Variants in TULP4 observed in about 807,000 individuals in gnomAD.
TULP4 encodes the protein TUB like protein 4.
TULP4 carries 16 observed loss-of-function variants against 129.0 expected under a neutral mutation model. The observed-to-expected ratio is 0.12, with a 90% confidence interval of 0.08 to 0.19. The LOEUF is 0.19. TULP4 is among the 10% of genes least tolerant of loss of function. The probability of loss-of-function intolerance (pLI) is 1.00; values close to 1 mark genes in which losing one functional copy is unlikely to be tolerated. For missense variants in TULP4, 1,842 were observed against 2,059.1 expected, an observed-to-expected ratio of 0.89 and a Z score of 2.04; for synonymous variants, 998 against 854.0, an observed-to-expected ratio of 1.17 and a Z score of -2.94.
At chr6:158,367,986 C>T (rs1470526725) in intron 1 of TULP4, among the ~76,000 whole-genome samples, 3 of 138,130 alleles carry the variant, frequency 2.2e-5, no homozygotes, top group Non-Finnish European at 4.6e-5. Flanking sequence ...CCCAGCTACT[C>T]GGGAGGCGAG....
At chr6:158,261,945 G>A (rs1778359727) in intron 1 of TULP4, among the ~76,000 whole-genome samples, 1 of 152,172 alleles carries the variant, frequency 6.6e-6, no homozygotes, top group Non-Finnish European at 1.5e-5. Flanking sequence ...TTTCCTGGAA[G>A]CTCCCTCTTC....
chr6:158,478,588 C>G (rs943293028), intron 6 of TULP4, among the ~76,000 whole-genome samples: 5 of 152,170 alleles, frequency 3.3e-5, no homozygotes, highest in Non-Finnish European at 7.4e-5. Flanking sequence ...CTTGAGTTTT[C>G]CAGACTCCTT....
chr6:158,232,794 G>GA (rs201796782), intron 1 of TULP4, among the ~76,000 whole-genome samples: 1 of 152,160 alleles, frequency 6.6e-6, no homozygotes, highest in Non-Finnish European at 1.5e-5. Context: ...CACCTCCCCT[G>GA]CCGGACCAGT....
chr6:158,412,487 T>C (rs1356287237), intron 1 of TULP4, among the ~76,000 whole-genome samples: 1 of 152,226 alleles, frequency 6.6e-6, no homozygotes, highest in Non-Finnish European at 1.5e-5. Flanking sequence ...CTCAGAAAAT[T>C]TGAAGCTTAT....
At chr6:158,303,282 G>A (rs951975892) in intron 1 of TULP4, among the ~76,000 whole-genome samples, 6 of 151,866 alleles carry the variant, frequency 4.0e-5, no homozygotes, top group African/African-American at 7.3e-5. Context: ...AGTGTTGGCC[G>A]GCTGAGAAAT....
chr6:158,352,420 C>T (rs746757854), intron 1 of TULP4, among the ~76,000 whole-genome samples: 15 of 152,202 alleles, frequency 9.9e-5, no homozygotes, highest in Non-Finnish European at 1.6e-4. Context: ...TTTTTTGAGA[C>T]GGAGTCTTAC....
At chr6:158,236,400 C>G (rs1777700662) in intron 1 of TULP4, among the ~76,000 whole-genome samples, 1 of 152,138 alleles carries the variant, frequency 6.6e-6, no homozygotes, top group Admixed American at 6.5e-5. Flanking sequence ...ATGAACAGTT[C>G]ATTAGAAAAA....
At chr6:158,386,568 T>A (rs1031200322) in intron 1 of TULP4, among the ~76,000 whole-genome samples, 21 of 152,222 alleles carry the variant, frequency 1.4e-4, no homozygotes, top group Non-Finnish European at 2.5e-4. Flanking sequence ...AATAATGTTA[T>A]AATTGTAACT....
At chr6:158,378,405 A>C (rs928713094) in intron 1 of TULP4, among the ~76,000 whole-genome samples, 3 of 140,584 alleles carry the variant, frequency 2.1e-5, no homozygotes, top group Non-Finnish European at 4.6e-5. Context: ...TAGGGTTTCT[A>C]TCTTGGGAGC....
chr6:158,328,755 T>TACA (rs1320508748), intron 1 of TULP4, among the ~76,000 whole-genome samples: 1 of 70,176 alleles, frequency 1.4e-5, no homozygotes, highest in Non-Finnish European at 3.2e-5. Flanking sequence ...GTGCCTAATC[T>TACA]GTAAGGCATT....
In TULP4 at chr6:158,502,215, C is replaced by T. The variant is rs201087459; in HGVS notation, c.2552C>T (p.Pro851Leu). ...GCTGCCCCCACCACAGCAGCACCCC[C>T]GCCCCCTCTGCCGCCCCCACAGCCC... ...IPAAPTTAAPPPPLPPPQPPV... is the reference protein window; with the variant it reads ...IPAAPTTAAPLPPLPPPQPPV... The change falls in exon 13 of 14, where the codon CCG (proline) becomes CTG (leucine). Residue 851 changes from proline (P) to leucine (L), a missense_variant. By Grantham distance (98) the Pro-to-Leu change is moderately conservative (BLOSUM62 -3). Coordinates refer to ENST00000367097, the MANE Select transcript of TULP4 (RefSeq NM_020245.5). 226 of 1,515,596 alleles carry T rather than the reference C, an allele frequency of 1.5e-4. No individual in the cohort carries two copies. The East Asian group carries it at 3.6e-3, about 24-fold the overall frequency. The allele number at this position is 1,515,596 out of a possible 1,614,324, so 93.9% of individuals were successfully genotyped here.
At chr6:158,267,607 A>G (rs1228757745) in intron 1 of TULP4, among the ~76,000 whole-genome samples, 1 of 152,134 alleles carries the variant, frequency 6.6e-6, no homozygotes, top group African/African-American at 2.4e-5. Context: ...AAATCTTCCA[A>G]ATAATTAGGA....
intron 1 of TULP4, among the ~76,000 whole-genome samples, chr6:158,254,836 C>T (rs895686809): frequency 3.9e-5 from 6 of 152,190 alleles, no homozygotes; most frequent in Non-Finnish European, 8.8e-5. Context: ...CTTTGGGAGG[C>T]TGAGGTGGGT....
intron 1 of TULP4, among the ~76,000 whole-genome samples, chr6:158,302,898 C>T (rs1306403109): frequency 1.3e-5 from 2 of 151,738 alleles, no homozygotes; most frequent in South Asian, 2.1e-4. Flanking sequence ...CCCTTTTGAC[C>T]CTCAGGGCCA....
At chr6:158,306,945 C>G (rs1779225756) in intron 1 of TULP4, among the ~76,000 whole-genome samples, 1 of 151,922 alleles carries the variant, frequency 6.6e-6, no homozygotes, top group African/African-American at 2.4e-5. Context: ...TTTTTGAGCC[C>G]ACGAATTTGA....
At chr6:158,380,919 G>C (rs1434390495) in intron 1 of TULP4, among the ~76,000 whole-genome samples, 1 of 109,750 alleles carries the variant, frequency 9.1e-6, no homozygotes, top group African/African-American at 3.6e-5. Context: ...AAAAGAAGAA[G>C]AAGAAGAAAG....
chr6:158,439,038 G>A (rs1335236223), intron 3 of TULP4, among the ~76,000 whole-genome samples: 3 of 151,982 alleles, frequency 2.0e-5, no homozygotes, highest in Non-Finnish European at 1.5e-5. Context: ...GGGTGTGGTG[G>A]CATGTGCCTG....
chr6:158,459,650 T>C (rs866401802), intron 5 of TULP4, among the ~76,000 whole-genome samples: 13 of 152,298 alleles, frequency 8.5e-5, no homozygotes, highest in African/African-American at 2.2e-4. Context: ...CAAAAAAATA[T>C]TATTTTAAAA....
chr6:158,321,369 A>G (rs927043162), intron 1 of TULP4, among the ~76,000 whole-genome samples: 8 of 151,666 alleles, frequency 5.3e-5, no homozygotes, highest in African/African-American at 1.7e-4. Flanking sequence ...TTTCCTCTCT[A>G]TGTTGGCTTT....
Sources: gnomAD v4.1 joint callset for allele counts (sites outside exome capture counted in the v4.1 genomes callset) on GRCh38, gnomAD v4.1.1 for gene constraint, MANE v1.5 for transcripts, NCBI Gene and HGNC (gene_info 2026-07-23, HGNC 2026-07-21) for gene names.